The following MKX variants were observed in gnomAD, a reference collection of about 807,000 sequenced individuals.
The protein encoded by MKX is homeobox protein Mohawk.
In MKX, 13 loss-of-function variants were observed where a neutral mutation model predicts 36.0. That is an observed-to-expected ratio of 0.36 (90% CI 0.24 to 0.57). The LOEUF (loss-of-function observed/expected upper bound fraction) is 0.57, where lower values mean the gene tolerates loss of function less well. Ranked by LOEUF, MKX falls within the 20% of genes least tolerant of loss-of-function variation. The pLI is 0.79. For synonymous variants in MKX, 176 were observed against 178.3 expected, an observed-to-expected ratio of 0.99 and a Z score of 0.10; for missense variants, 458 against 456.4, an observed-to-expected ratio of 1.00 and a Z score of -0.03.
At chr10:27,698,283 G>A (rs931134448) in intron 5 of MKX, among the ~76,000 whole-genome samples, 4 of 152,160 alleles carry the variant, frequency 2.6e-5, no homozygotes, top group African/African-American at 9.7e-5. Context: ...GACAGGCATG[G>A]GGAGTCACTC....
At chr10:27,732,481 C>A (rs938822639) in intron 5 of MKX, among the ~76,000 whole-genome samples, 1 of 151,958 alleles carries the variant, frequency 6.6e-6, no homozygotes, top group Non-Finnish European at 1.5e-5. Flanking sequence ...TGTTTAATAA[C>A]TGTTTATTGA....
chr10:27,735,484 T>C (rs1219223576), intron 3 of MKX, 110 bp from the exon 4 acceptor site: 4 of 793,070 alleles, frequency 5.0e-6, no homozygotes, highest in South Asian at 2.0e-5. Context: ...TCATTAAATA[T>C]TCTCAGGACA....
At chr10:27,724,756 T>C (rs1176930656) in intron 5 of MKX, among the ~76,000 whole-genome samples, 2 of 141,400 alleles carry the variant, frequency 1.4e-5, no homozygotes, top group Admixed American at 7.1e-5. Context: ...TACTACTACC[T>C]ACACACACAC....
intron 3 of MKX, among the ~76,000 whole-genome samples, chr10:27,738,929 G>T (rs556163287): frequency 6.6e-6 from 1 of 151,916 alleles, no homozygotes; most frequent in African/African-American, 2.4e-5. Flanking sequence ...AATATTTAAC[G>T]TTACTATAAG....
At chr10:27,678,806 G>T (rs1438132432) in intron 5 of MKX, among the ~76,000 whole-genome samples, 2 of 152,106 alleles carry the variant, frequency 1.3e-5, no homozygotes, top group African/African-American at 4.8e-5. Context: ...CCTTGAACTT[G>T]TTCCACTGAG....
intron 5 of MKX, among the ~76,000 whole-genome samples, chr10:27,730,106 G>A (rs980356532): frequency 1.3e-5 from 2 of 152,172 alleles, no homozygotes; most frequent in African/African-American, 4.8e-5. Flanking sequence ...TTCAACAGAT[G>A]ACACTGAGTG....
chr10:27,743,136 C>T (rs756312026), intron 2 of MKX, 92 bp downstream of exon 2: 2 of 1,270,068 alleles, frequency 1.6e-6, no homozygotes, highest in Non-Finnish European at 2.0e-6. Context: ...TTCCCGTCCA[C>T]CCGCCCGCGT....
In MKX at chr10:27,708,460, G is replaced by A. The variant is rs550425340; in HGVS notation, c.838+25996C>T. 3.9e-5 allele frequency among the ~76,000 whole-genome samples: 6 copies of A among 152,188 alleles called. No individual in the cohort carries two copies. The South Asian group carries it at 1.2e-3, about 32-fold the overall frequency. ...AAAAAATTGACTATAGGCCGGGCGC[G>A]GTTGCTCATGGCTGTAATCTCAGCA... On this transcript the variant is annotated intron_variant, in intron 5 of 6. Coordinates refer to ENST00000419761, the MANE Select transcript of MKX (RefSeq NM_173576.3).
intron 5 of MKX, among the ~76,000 whole-genome samples, chr10:27,706,315 T>C (rs1836754832): frequency 6.6e-6 from 1 of 152,204 alleles, no homozygotes; most frequent in Non-Finnish European, 1.5e-5. Flanking sequence ...CACATTTTGA[T>C]TGTTATAAAT....
intron 5 of MKX, among the ~76,000 whole-genome samples, chr10:27,727,034 T>C (rs988293090): frequency 5.9e-5 from 9 of 152,176 alleles, no homozygotes; most frequent in Middle Eastern, 3.2e-3. Flanking sequence ...TGAGAGCCAG[T>C]ACCAAATGAA....
intron 5 of MKX, among the ~76,000 whole-genome samples, chr10:27,682,654 C>T (rs1314936807): frequency 1.3e-5 from 2 of 152,094 alleles, no homozygotes; most frequent in Non-Finnish European, 2.9e-5. Flanking sequence ...AGTTCCACCT[C>T]GGATCATCAG....
chr10:27,723,602 A>G (rs1834425590), intron 5 of MKX, among the ~76,000 whole-genome samples: 2 of 152,192 alleles, frequency 1.3e-5, no homozygotes, highest in South Asian at 4.1e-4. Flanking sequence ...GGCACCAAAT[A>G]GCTTCTGGCT....
At chr10:27,723,330 G>A (rs1834420475) in intron 5 of MKX, among the ~76,000 whole-genome samples, 1 of 152,130 alleles carries the variant, frequency 6.6e-6, no homozygotes, top group Non-Finnish European at 1.5e-5. Context: ...ACTAAAACAA[G>A]ACCAGTTGCA....
chr10:27,704,387 A>G (rs1382449350), intron 5 of MKX, among the ~76,000 whole-genome samples: 1 of 152,216 alleles, frequency 6.6e-6, no homozygotes, highest in Admixed American at 6.5e-5. Flanking sequence ...AAAAACTGTG[A>G]AAAAAGAACA....
At chr10:27,677,136 T>C (rs1448162034) in intron 5 of MKX, among the ~76,000 whole-genome samples, 2 of 152,078 alleles carry the variant, frequency 1.3e-5, no homozygotes, top group African/African-American at 4.8e-5. Flanking sequence ...CCCCTCTTCA[T>C]CATCATCGTC....
chr10:27,733,184 A>C (rs1834671080), intron 5 of MKX, among the ~76,000 whole-genome samples: 1 of 152,138 alleles, frequency 6.6e-6, no homozygotes. Context: ...GCAAAGAGAA[A>C]ATGAGGTTGA....
chr10:27,681,448 AAAAC>A (rs72040625), intron 5 of MKX, among the ~76,000 whole-genome samples: 176 of 152,032 alleles, frequency 1.2e-3, no homozygotes, highest in African/African-American at 3.8e-3. Context: ...ACTCCATCGC[AAAAC>A]AAACAAACAA....
intron 5 of MKX, among the ~76,000 whole-genome samples, chr10:27,733,040 T>C (rs1834667680): frequency 2.6e-5 from 4 of 152,174 alleles, no homozygotes; most frequent in Admixed American, 2.6e-4. Flanking sequence ...GTGAGCCACC[T>C]TGCCCAGCTT....
intron 5 of MKX, among the ~76,000 whole-genome samples, chr10:27,690,618 GGGATAAAATGA>G (rs1305651430): frequency 6.6e-6 from 1 of 152,074 alleles, no homozygotes; most frequent in Admixed American, 6.5e-5. Context: ...GGTTGCTGTG[GGGATAAAATGA>G]GGTATTAAAT....
Sources: allele counts gnomAD v4.1 joint callset (sites outside exome capture counted in the v4.1 genomes callset), GRCh38; gene constraint gnomAD v4.1.1; transcripts MANE v1.5; gene names NCBI Gene and HGNC (gene_info 2026-07-23, HGNC 2026-07-21).